The following SLC25A21 variants were observed in gnomAD, a reference collection of about 807,000 sequenced individuals.
The protein encoded by SLC25A21 is solute carrier family 25 member 21.
In SLC25A21, 47 loss-of-function variants were observed where a neutral mutation model predicts 43.8. The observed-to-expected ratio is 1.07, with a 90% CI of 0.85 to 1.37. The LOEUF is 1.37. Ranked by LOEUF, SLC25A21 falls within the 40% of genes most tolerant of loss-of-function variation. The pLI, the probability that SLC25A21 is intolerant of heterozygous loss-of-function variation, is 0.00. For missense variants in SLC25A21, 352 were observed against 350.2 expected (o/e 1.00, Z -0.04); for synonymous variants, 131 against 121.3 (o/e 1.08, Z -0.52).
intron 3 of SLC25A21, among the ~76,000 whole-genome samples, chr14:36,776,786 GATT>G (rs1886852139): frequency 1.3e-5 from 2 of 152,024 alleles, no homozygotes; most frequent in African/African-American, 4.8e-5. Flanking sequence ...AGTAAATAGC[GATT>G]ATCAGAAGGA....
chr14:36,735,812 CTT>C (rs58500416), intron 3 of SLC25A21, among the ~76,000 whole-genome samples: 53,471 of 131,464 alleles, frequency 0.41, 10,014 homozygotes, highest in South Asian at 0.58. Context: ...TCCCAGAATC[CTT>C]TTTTTTTTTT....
intron 1 of SLC25A21, among the ~76,000 whole-genome samples, chr14:37,147,844 C>T (rs77809759): frequency 3.7e-4 from 47 of 126,202 alleles, no homozygotes; most frequent in Non-Finnish European, 5.1e-4. Context: ...TTTTTCTTTT[C>T]TTTTTTTTTT....
At chr14:36,811,500 A>T (rs1337379752) in intron 3 of SLC25A21, among the ~76,000 whole-genome samples, 2 of 152,068 alleles carry the variant, frequency 1.3e-5, no homozygotes, top group African/African-American at 4.8e-5. Flanking sequence ...AAAATAAAAT[A>T]ACTAGCCAGG....
intron 1 of SLC25A21, among the ~76,000 whole-genome samples, chr14:36,908,496 G>A (rs938523641): frequency 6.6e-6 from 1 of 152,150 alleles, no homozygotes; most frequent in Non-Finnish European, 1.5e-5. Flanking sequence ...AGAAATGAGA[G>A]TATTTTATTA....
intron 1 of SLC25A21, among the ~76,000 whole-genome samples, chr14:36,888,788 A>G (rs753033001): frequency 7.2e-5 from 11 of 152,194 alleles, no homozygotes; most frequent in Non-Finnish European, 1.5e-4. Flanking sequence ...ACAGGTAGCC[A>G]GGTCTTTTCT....
At chr14:36,862,354 C>T (rs1028860009) in intron 2 of SLC25A21, among the ~76,000 whole-genome samples, 1 of 152,140 alleles carries the variant, frequency 6.6e-6, no homozygotes, top group Non-Finnish European at 1.5e-5. Flanking sequence ...GACTTGGAAC[C>T]AACCCAAATG....
chr14:37,113,890 T>G (rs1313396860), intron 1 of SLC25A21, among the ~76,000 whole-genome samples: 1 of 151,274 alleles, frequency 6.6e-6, no homozygotes. Flanking sequence ...ATGTTAAACT[T>G]CTCCCTCATT....
At chr14:36,862,199 G>A (rs932309083) in intron 2 of SLC25A21, among the ~76,000 whole-genome samples, 4 of 152,132 alleles carry the variant, frequency 2.6e-5, no homozygotes, top group African/African-American at 9.7e-5. Flanking sequence ...AAGACAGTGT[G>A]GCAATTCCTC....
chr14:36,806,852 T>TA (rs1247414888), intron 3 of SLC25A21: 1 of 152,136 alleles, frequency 6.6e-6, no homozygotes, highest in African/African-American at 2.4e-5. Flanking sequence ...GCAACATCAT[T>TA]AAAAAGCCCA....
At chr14:36,805,276 G>A (rs562761856) in intron 3 of SLC25A21, among the ~76,000 whole-genome samples, 7 of 152,280 alleles carry the variant, frequency 4.6e-5, no homozygotes, top group African/African-American at 7.2e-5. Context: ...TCAGTAAGTC[G>A]GAAAGTGTTG....
chr14:36,800,893 A>T (rs570231835), intron 3 of SLC25A21, among the ~76,000 whole-genome samples: 1 of 152,258 alleles, frequency 6.6e-6, no homozygotes, highest in Admixed American at 6.5e-5. Context: ...TGAGTAGAGG[A>T]CACTGTGCAT....
chr14:36,908,368 A>G (rs1382144348), intron 1 of SLC25A21, among the ~76,000 whole-genome samples: 2 of 152,194 alleles, frequency 1.3e-5, no homozygotes, highest in African/African-American at 4.8e-5. Flanking sequence ...CTAAAAAGTC[A>G]TCTATTTAAA....
At chr14:36,754,732 A>C (rs556599465) in intron 3 of SLC25A21, among the ~76,000 whole-genome samples, 219 of 95,004 alleles carry the variant, frequency 2.3e-3, no homozygotes, top group African/African-American at 0.015. Context: ...AGTGCCCAAA[A>C]GAGAAAAAAA....
At chr14:37,017,170 G>A (rs1387592554) in intron 1 of SLC25A21, among the ~76,000 whole-genome samples, 2 of 151,986 alleles carry the variant, frequency 1.3e-5, no homozygotes, top group Non-Finnish European at 2.9e-5. Flanking sequence ...GCCTATCTTA[G>A]CTTTTGGCAT....
chr14:36,943,953 T>TA (rs1376635104), intron 1 of SLC25A21, among the ~76,000 whole-genome samples: 3 of 152,140 alleles, frequency 2.0e-5, no homozygotes, highest in East Asian at 3.8e-4. Flanking sequence ...ATATTAAATA[T>TA]AAAATTATCA....
chr14:36,815,331 T>TA (rs550996474), intron 2 of SLC25A21, among the ~76,000 whole-genome samples: 103 of 143,328 alleles, frequency 7.2e-4, no homozygotes, highest in East Asian at 5.3e-3. Flanking sequence ...GAACTTAAAG[T>TA]AAAAAAAAAA....
At chr14:36,800,904 A>T (rs1324210484) in intron 3 of SLC25A21, among the ~76,000 whole-genome samples, 1 of 152,190 alleles carries the variant, frequency 6.6e-6, no homozygotes. Flanking sequence ...CACTGTGCAT[A>T]AACATTGAAA....
chr14:36,983,847 G>A (rs966685815), intron 1 of SLC25A21, among the ~76,000 whole-genome samples: 8 of 152,136 alleles, frequency 5.3e-5, no homozygotes, highest in African/African-American at 1.9e-4. Flanking sequence ...CAGTAACATG[G>A]ATGGAGCTGG....
chr14:36,976,237 G>A (rs1276204036), intron 1 of SLC25A21, among the ~76,000 whole-genome samples: 1 of 152,096 alleles, frequency 6.6e-6, no homozygotes, highest in African/African-American at 2.4e-5. Context: ...TGAAATAACG[G>A]TAGGCAGGTC....
Sources: allele counts gnomAD v4.1 joint callset (sites outside exome capture counted in the v4.1 genomes callset), GRCh38; gene constraint gnomAD v4.1.1; transcripts MANE v1.5; gene names NCBI Gene and HGNC (gene_info 2026-07-23, HGNC 2026-07-21).